Variants in MTCL1 observed in about 807,000 individuals in gnomAD.
The protein encoded by MTCL1 is microtubule cross-linking factor 1.
MTCL1 carries 79 observed loss-of-function variants against 141.4 expected under a neutral mutation model. That is an observed-to-expected ratio of 0.56 (90% CI 0.47 to 0.67). The LOEUF is 0.67. MTCL1 is among the 30% of genes least tolerant of loss of function. The probability of loss-of-function intolerance (pLI) is 0.00; values close to 1 mark genes in which losing one functional copy is unlikely to be tolerated. For missense variants in MTCL1, 2,177 were observed against 2,113.9 expected (o/e 1.03, Z -0.59); for synonymous variants, 914 against 875.8 (o/e 1.04, Z -0.77).
chr18:8,747,008 C>T (rs907519916), intron 4 of MTCL1, among the ~76,000 whole-genome samples: 2 of 152,160 alleles, frequency 1.3e-5, no homozygotes, highest in African/African-American at 2.4e-5. Flanking sequence ...TGAGCATCGT[C>T]ACCTGGGGCC....
intron 4 of MTCL1, among the ~76,000 whole-genome samples, chr18:8,752,941 CAGGCAAAT>C (rs2096379401): frequency 6.6e-6 from 1 of 152,168 alleles, no homozygotes; most frequent in African/African-American, 2.4e-5. Context: ...AGTGGGCAAA[CAGGCAAAT>C]GCGTGGAGAC....
At chr18:8,799,722 C>T (rs998542085) in intron 10 of MTCL1, among the ~76,000 whole-genome samples, 7 of 152,336 alleles carry the variant, frequency 4.6e-5, no homozygotes, top group African/African-American at 1.4e-4. Context: ...TCTAAGAAAA[C>T]GTGTTTCCCA....
At chr18:8,815,780 A>G (rs1168076822) in intron 12 of MTCL1, among the ~76,000 whole-genome samples, 2 of 152,124 alleles carry the variant, frequency 1.3e-5, no homozygotes, top group Non-Finnish European at 2.9e-5. Context: ...AGTTCGGCCA[A>G]ACTGACAGCC....
chr18:8,805,706 A>G (rs1314168569), intron 10 of MTCL1, among the ~76,000 whole-genome samples: 1 of 152,178 alleles, frequency 6.6e-6, no homozygotes, highest in Non-Finnish European at 1.5e-5. Context: ...TTTCCATAGT[A>G]GAGCTTATCT....
At chr18:8,803,384 A>G (rs998032058) in intron 10 of MTCL1, among the ~76,000 whole-genome samples, 2 of 152,142 alleles carry the variant, frequency 1.3e-5, no homozygotes, top group Non-Finnish European at 2.9e-5. Context: ...TTGATGTGAC[A>G]TATATATAAG....
chr18:8,729,399 G>C (rs764662223), intron 4 of MTCL1, among the ~76,000 whole-genome samples: 5 of 151,712 alleles, frequency 3.3e-5, no homozygotes, highest in Non-Finnish European at 5.9e-5. Flanking sequence ...TGTACATTAA[G>C]TTAATTAATT....
chr18:8,785,689 G>C (rs1278378924), intron 6 of MTCL1: 1 of 524,166 alleles, frequency 1.9e-6, no homozygotes, highest in East Asian at 3.4e-5. Flanking sequence ...TTGCTTTTCA[G>C]ATGTGTCCAC....
chr18:8,763,752 A>T (rs369068042), intron 4 of MTCL1, among the ~76,000 whole-genome samples: 3 of 152,226 alleles, frequency 2.0e-5, no homozygotes, highest in African/African-American at 7.2e-5. Context: ...GAGAACACAC[A>T]TCATCGGTTT....
chr18:8,756,489 A>ATG (rs2096401337), intron 4 of MTCL1, among the ~76,000 whole-genome samples: 1 of 143,006 alleles, frequency 7.0e-6, no homozygotes, highest in African/African-American at 3.0e-5. Flanking sequence ...ATGTGTGTAT[A>ATG]TATGTATATA....
intron 14 of MTCL1, among the ~76,000 whole-genome samples, 158 bp downstream of exon 13, chr18:8,821,656 A>G (rs552712142): frequency 9.8e-5 from 15 of 152,322 alleles, no homozygotes; most frequent in Admixed American, 2.6e-4. Context: ...CATTTCATAA[A>G]CATGGTATTT....
intron 4 of MTCL1, among the ~76,000 whole-genome samples, chr18:8,754,467 G>A (rs1175478203): frequency 6.6e-6 from 1 of 152,188 alleles, no homozygotes; most frequent in African/African-American, 2.4e-5. Context: ...AAGAAGTAAA[G>A]GGTTCAGTTC....
chr18:8,760,695 C>CGT (rs950329252), intron 4 of MTCL1, among the ~76,000 whole-genome samples: 1 of 151,768 alleles, frequency 6.6e-6, no homozygotes, highest in African/African-American at 2.4e-5. Flanking sequence ...CGTAAGAAAC[C>CGT]GTGTGTGTGT....
At chr18:8,750,238 G>A (rs1555638129) in intron 4 of MTCL1, among the ~76,000 whole-genome samples, 1 of 152,064 alleles carries the variant, frequency 6.6e-6, no homozygotes, top group Non-Finnish European at 1.5e-5. Flanking sequence ...TAGAGACAGG[G>A]TTTCACCATG....
chr18:8,829,102 C>A, intron 16 of MTCL1: 1 of 1,522,538 alleles, frequency 6.6e-7, no homozygotes, highest in South Asian at 1.3e-5. Flanking sequence ...CCAGGAGGTT[C>A]GCCTAAACCC....
chr18:8,729,058 T>C (rs1395899680), intron 4 of MTCL1, among the ~76,000 whole-genome samples: 1 of 151,208 alleles, frequency 6.6e-6, no homozygotes, highest in Admixed American at 6.6e-5. Context: ...TATTGTACTG[T>C]TTTTTGAGAC....
At chr18:8,786,112 C>CCCG (rs1555655937) in intron 7 of MTCL1, 21 bp downstream of exon 6, 9 of 1,362,904 alleles carry the variant, frequency 6.6e-6, no homozygotes, top group Admixed American at 5.3e-5. Flanking sequence ...GCAAGCAATC[C>CCCG]CCCCCCCCCG....
At chr18:8,780,080 G>A (rs1447901235) in intron 5 of MTCL1, among the ~76,000 whole-genome samples, 2 of 152,138 alleles carry the variant, frequency 1.3e-5, no homozygotes, top group Non-Finnish European at 2.9e-5. Flanking sequence ...CCTCCAGCGT[G>A]TTTCAGGACC....
chr18:8,750,942 G>A (rs1180058401), intron 4 of MTCL1, among the ~76,000 whole-genome samples: 1 of 152,160 alleles, frequency 6.6e-6, no homozygotes, highest in Non-Finnish European at 1.5e-5. Context: ...TTACTGGCAA[G>A]GCGGCCTGAG....
At chr18:8,738,598 A>T (rs930241967) in intron 4 of MTCL1, among the ~76,000 whole-genome samples, 2 of 152,216 alleles carry the variant, frequency 1.3e-5, no homozygotes, top group Non-Finnish European at 2.9e-5. Context: ...TTTTGCTTTC[A>T]GAATAGAAAA....
Sources: allele counts gnomAD v4.1 joint callset (sites outside exome capture counted in the v4.1 genomes callset), GRCh38; gene constraint gnomAD v4.1.1; transcripts MANE v1.5; gene names NCBI Gene and HGNC (gene_info 2026-07-23, HGNC 2026-07-21).